The following ZNF616 variants were observed in gnomAD, a reference collection of about 807,000 sequenced individuals.
ZNF616 encodes zinc finger protein 616.
Under a neutral mutation model 7.6 loss-of-function variants are expected in ZNF616, and 5 were observed. That is an observed-to-expected ratio of 0.66 (90% CI 0.34 to 1.38). ZNF616 has a LOEUF of 1.38. Ranked by LOEUF, ZNF616 falls within the 40% of genes most tolerant of loss-of-function variation. ZNF616 has a pLI of 0.04. For missense variants in ZNF616, 913 were observed against 948.3 expected (o/e 0.96, Z 0.49); for synonymous variants, 319 against 317.2 (o/e 1.01, Z -0.06).
chr19:52,125,216 A>G (rs1243738010), intron 2 of ZNF616, among the ~76,000 whole-genome samples: 2 of 152,206 alleles, frequency 1.3e-5, no homozygotes, highest in African/African-American at 2.4e-5. Context: ...TACCAATTCA[A>G]AAGTCTATAG....
At chr19:52,132,036 G>C (rs2088964875) in intron 1 of ZNF616, among the ~76,000 whole-genome samples, 1 of 152,244 alleles carries the variant, frequency 6.6e-6, no homozygotes, top group South Asian at 2.1e-4. Context: ...ATCAGGTAGG[G>C]ACGAGGTCTT....
chr19:52,129,911 T>C (rs1463054643), intron 2 of ZNF616, among the ~76,000 whole-genome samples: 1 of 151,924 alleles, frequency 6.6e-6, no homozygotes, highest in African/African-American at 2.4e-5. Context: ...GCCTCCTGAG[T>C]AGCTGGGATT....
chr19:52,123,961 T>A lies in ZNF616; in HGVS notation c.101A>T (p.Asp34Val). ...LEPVQKALYK[D>V]VMLENYRNLV... ...GTTCCTATAGTTCTCCAACATCACA[T>A]CCTTGTACAAAGCTTTCTGCACAGG... is the stretch of plus-strand genomic sequence containing the variant. Residue 34 changes from aspartate to valine, a missense_variant, in exon 3 of 4, where the codon GAT becomes GTT. Physicochemically the swap from Asp to Val is radical, Grantham distance 152. Coordinates refer to ENST00000600228, the MANE Select transcript of ZNF616 (RefSeq NM_178523.5). 2 of 1,614,150 alleles carry A rather than the reference T, an allele frequency of 1.2e-6. No homozygotes were observed. Among genetic ancestry groups the A allele is most frequent in the South Asian group, 2.2e-5 (2 of 91,090 alleles).
At chr19:52,118,978 T>C (rs1217648154) in intron 3 of ZNF616, among the ~76,000 whole-genome samples, 6 of 152,222 alleles carry the variant, frequency 3.9e-5, no homozygotes, top group Non-Finnish European at 8.8e-5. Context: ...AAGCAGGTAC[T>C]GCAGGTAACA....
chr19:52,118,128 A>G (rs1031262814), intron 3 of ZNF616, among the ~76,000 whole-genome samples: 8 of 152,122 alleles, frequency 5.3e-5, no homozygotes, highest in African/African-American at 1.9e-4. Flanking sequence ...TAGTTTTGGT[A>G]GAGACAGAGT....
chr19:52,134,889 G>A (rs1387277870), intron 1 of ZNF616, among the ~76,000 whole-genome samples: 5 of 152,016 alleles, frequency 3.3e-5, no homozygotes, highest in African/African-American at 9.7e-5. Flanking sequence ...ATTTTGCCTC[G>A]TAGCTCCCTG....
intron 2 of ZNF616, among the ~76,000 whole-genome samples, chr19:52,130,217 G>A (rs17779578): frequency 0.2 from 29,812 of 152,038 alleles, 3,362 homozygotes; most frequent in East Asian, 0.45. Flanking sequence ...CTGATACCAC[G>A]GGACCCTCAC....
At chr19:52,130,994 A>C (rs191152377) in intron 1 of ZNF616, among the ~76,000 whole-genome samples, 4 of 152,156 alleles carry the variant, frequency 2.6e-5, no homozygotes, top group Admixed American at 1.3e-4. Context: ...TGGGGCTGGG[A>C]GCGGTGGCTC....
chr19:52,125,621 G>A (rs917196705), intron 2 of ZNF616, among the ~76,000 whole-genome samples: 10 of 152,108 alleles, frequency 6.6e-5, no homozygotes, highest in African/African-American at 2.4e-4. Context: ...GTGGTTTCCC[G>A]AGCTGGGATC....
chr19:52,131,264 C>CAAAAAAA (rs61359785), intron 1 of ZNF616, among the ~76,000 whole-genome samples: 3 of 39,768 alleles, frequency 7.5e-5, no homozygotes, highest in Admixed American at 2.6e-4. Context: ...ACTCTGTCAC[C>CAAAAAAA]AAAAAAAAAA....
At chr19:52,134,259 G>A (rs766731668) in intron 1 of ZNF616, among the ~76,000 whole-genome samples, 8 of 152,290 alleles carry the variant, frequency 5.3e-5, no homozygotes, top group South Asian at 4.1e-4. Flanking sequence ...TCCTTATCAC[G>A]ACATCGTAAC....
intron 3 of ZNF616, among the ~76,000 whole-genome samples, chr19:52,118,295 A>G (rs1263156823): frequency 1.3e-5 from 2 of 152,192 alleles, no homozygotes; most frequent in Admixed American, 1.3e-4. Flanking sequence ...CAAAATATAT[A>G]TCATCAAGAG....
chr19:52,136,247 G>A (rs1007507380), intron 1 of ZNF616, among the ~76,000 whole-genome samples: 5 of 152,002 alleles, frequency 3.3e-5, no homozygotes, highest in Non-Finnish European at 5.9e-5. Context: ...TTGGGAAGCC[G>A]AGGCGGGCAG....
chr19:52,113,270 T>C lies in ZNF616; in HGVS notation c.*1548A>G, dbSNP rs2088786961. ...CTAGTATGATTTCAAAGATGTGTAG[T>C]CTGTTTAAAAAACTGGTTGAAATTT... On this transcript the variant is annotated 3_prime_UTR_variant, in exon 4 of 4. Transcript: ENST00000600228. 1 of 152,194 alleles carries C rather than the reference T, an allele frequency of 6.6e-6. No homozygotes were observed. 9.4% of individuals were successfully genotyped at this position (152,194 alleles called of 1,614,324 possible). A position where few individuals can be genotyped will look rare whatever the true frequency, so the allele number is the denominator to read the frequency against.
chr19:52,139,309 G>T lies in ZNF616; in HGVS notation c.-77+423C>A, dbSNP rs2089038629. Among the ~76,000 whole-genome samples the T allele has an allele frequency of 6.6e-6, 1 of 152,202 alleles. No homozygotes were observed. The highest frequency in any genetic ancestry group is 1.5e-5 in the Non-Finnish European group (1 of 68,042). On this transcript the variant is annotated intron_variant, in intron 1 of 3. Transcript: ENST00000600228. The surrounding 1 kb of genome is among the most constrained non-coding windows in gnomAD (Gnocchi z 4.1). Reference sequence around the variant, plus strand: ...GACTCGGGTGACCTCCTGCAACGCGGAGTCAGGAAAAGCAGTGGCTGTGAA... The same window carrying T: ...GACTCGGGTGACCTCCTGCAACGCGTAGTCAGGAAAAGCAGTGGCTGTGAA...
chr19:52,115,737 A>G lies in ZNF616; in HGVS notation c.1427T>C (p.Ile476Thr), dbSNP rs1368036112. Residue 476 changes from isoleucine (I) to threonine (T), a missense_variant, in exon 4 of 4, where the codon ATA (isoleucine) becomes ACA (threonine). Coordinates refer to ENST00000600228, the MANE Select transcript of ZNF616 (RefSeq NM_178523.5). ...KCNECGKVFSIHSRLAAHQRI... is the reference protein window; with the variant it reads ...KCNECGKVFSTHSRLAAHQRI... ...CTGATGAGCTGCAAGTCGTGAATGT[A>G]TGCTGAAAACTTTGCCACATTCATT... 5.6e-6 allele frequency: 9 copies of G among 1,610,566 alleles called. No homozygotes were observed. The highest frequency in any genetic ancestry group is 1.7e-4 in the Middle Eastern group (1 of 6,040).
intron 1 of ZNF616, among the ~76,000 whole-genome samples, chr19:52,136,728 T>C (rs1189296635): frequency 1.3e-5 from 2 of 152,090 alleles, no homozygotes; most frequent in African/African-American, 4.8e-5. Flanking sequence ...AGCAATCTCA[T>C]TTCTGGGTAT....
chr19:52,129,727 C>T (rs1399462548), intron 2 of ZNF616, among the ~76,000 whole-genome samples: 1 of 151,984 alleles, frequency 6.6e-6, no homozygotes, highest in Non-Finnish European at 1.5e-5. Flanking sequence ...ATTCATACAG[C>T]TTCAAATGTA....
Position 52,115,941 on chromosome 19 carries a change from G to A in ZNF616, c.1223C>T (p.Pro408Leu), listed in dbSNP as rs1269015472. The part of the protein sequence containing the change: ...VHRRIHTVEK[P>L]CKCNECGKVF... ...CTTGCCACATTCATTGCATTTGCAA[G>A]GTTTCTCTACAGTGTGAATTCGTCG... The change falls in exon 4 of 4, where the codon CCT becomes CTT. Residue 408 changes from proline to leucine, a missense_variant. Physicochemically the swap from Pro to Leu is moderately conservative, Grantham distance 98. Coordinates refer to ENST00000600228, the MANE Select transcript of ZNF616 (RefSeq NM_178523.5). 2 of 1,613,822 alleles carry A rather than the reference G, an allele frequency of 1.2e-6. No individual in the cohort carries two copies. Among genetic ancestry groups the A allele is most frequent in the Admixed American group, 3.3e-5 (2 of 59,976 alleles).
Sources: gnomAD v4.1 joint callset for allele counts (sites outside exome capture counted in the v4.1 genomes callset) on GRCh38, gnomAD v4.1.1 for gene constraint, Gnocchi (gnomAD v3.1) non-coding constraint, MANE v1.5 for transcripts, NCBI Gene and HGNC (gene_info 2026-07-23, HGNC 2026-07-21) for gene names.